The following ITGB3 variants were observed in gnomAD, a reference collection of about 807,000 sequenced individuals.
ITGB3 encodes integrin beta-3.
Under a neutral mutation model 85.8 loss-of-function variants are expected in ITGB3, and 48 were observed. That is an observed-to-expected ratio of 0.56 (90% CI 0.44 to 0.71). The LOEUF (loss-of-function observed/expected upper bound fraction) is 0.71. Ranked by LOEUF, ITGB3 falls within the 30% of genes least tolerant of loss-of-function variation. The probability of loss-of-function intolerance (pLI) is 0.00; values close to 1 mark genes in which losing one functional copy is unlikely to be tolerated. For missense variants in ITGB3, 861 were observed against 1,019.1 expected (o/e 0.84, Z 2.11); for synonymous variants, 363 against 395.6 (o/e 0.92, Z 0.98).
chr17:47,289,456 A>G (rs2065116836), intron 6 of ITGB3, among the ~76,000 whole-genome samples: 1 of 151,978 alleles, frequency 6.6e-6, no homozygotes, highest in African/African-American at 2.4e-5. Context: ...CCCAGTAGCT[A>G]GGACTATAGG....
rs2065101513 is a variant in ITGB3 at position 47,286,137 on chromosome 17, G to A, written c.615-123G>A. ...TGGAGTCTGAACTGTCTGGGTAACT[G>A]TGGTTGTATGGAACTGGCCTTGGCA... On this transcript the variant is annotated intron_variant, in intron 4 of 14. Coordinates refer to ENST00000559488, the MANE Select transcript of ITGB3 (RefSeq NM_000212.3). 3 of 1,087,178 alleles carry A rather than the reference G, an allele frequency of 2.8e-6. No individual in the cohort carries two copies. In the East Asian group the frequency reaches 7.1e-5, roughly 26 times the overall value. 67.3% of individuals were successfully genotyped at this position (1,087,178 alleles called of 1,614,324 possible).
At chr17:47,262,339 T>C (rs1248812276) in intron 1 of ITGB3, among the ~76,000 whole-genome samples, 1 of 152,184 alleles carries the variant, frequency 6.6e-6, no homozygotes, top group Non-Finnish European at 1.5e-5. Context: ...GACAGCTTGG[T>C]ACAGACCTGC....
rs966602162 is a variant in ITGB3 at position 47,290,132 on chromosome 17, G to A, written c.1036-53G>A. On this transcript the variant is annotated intron_variant, in intron 7 of 14. Coordinates refer to ENST00000559488, the MANE Select transcript of ITGB3 (RefSeq NM_000212.3). ...CAGTGGGATTTGGGGAGGGCTTTTGGAGACCACCAGCTTCCTTTGGTAAGC... is the reference window on the plus strand; with the variant it reads ...CAGTGGGATTTGGGGAGGGCTTTTGAAGACCACCAGCTTCCTTTGGTAAGC... 2.1e-6 allele frequency: 3 copies of A among 1,409,390 alleles called. No individual in the cohort carries two copies. The Admixed American group carries it at 5.0e-5, about 24-fold the overall frequency. The allele number at this position is 1,409,390 out of a possible 1,614,324, so 87.3% of individuals were successfully genotyped here. A position where few individuals can be genotyped will look rare whatever the true frequency, so the allele number is the denominator to read the frequency against.
At chr17:47,306,612 T>G (rs1018803388) in intron 13 of ITGB3, among the ~76,000 whole-genome samples, 3 of 152,214 alleles carry the variant, frequency 2.0e-5, no homozygotes, top group Non-Finnish European at 4.4e-5. Context: ...TATGAAATTT[T>G]AGGGGGAGAA....
chr17:47,261,550 C>T (rs1473204599), intron 1 of ITGB3, among the ~76,000 whole-genome samples: 1 of 141,542 alleles, frequency 7.1e-6, no homozygotes, highest in Non-Finnish European at 1.5e-5. Flanking sequence ...GATGGAGTCT[C>T]ACTCTGTCGC....
In ITGB3 at chr17:47,302,786, C is replaced by T. The variant is rs2143138190; in HGVS notation, c.2080C>T (p.Gln694Ter). 2 of 1,614,004 alleles carry T rather than the reference C, an allele frequency of 1.2e-6. No homozygotes were observed. Among genetic ancestry groups the T allele is most frequent in the Non-Finnish European group, 1.7e-6 (2 of 1,179,914 alleles). The stretch of plus-strand genomic sequence containing the variant: ...TGAGGATGACTGTGTCGTCAGATTC[C>T]AGTACTATGAAGATTCTAGTGGAAA... The part of the protein sequence containing the change: ...KNEDDCVVRF[Q>*]YYEDSSGKSI... Residue 694 changes from glutamine to a stop codon, truncating the protein, a stop_gained, in exon 13 of 15, where the codon CAG becomes TAG. Transcript: ENST00000559488. LOFTEE classifies it high-confidence loss of function.
At chr17:47,275,692 C>T (rs2065061215) in intron 2 of ITGB3, among the ~76,000 whole-genome samples, 1 of 152,240 alleles carries the variant, frequency 6.6e-6, no homozygotes, top group South Asian at 2.1e-4. Flanking sequence ...TGTTTATCAC[C>T]GGCCAGGAGG....
At position 47,274,472 on chromosome 17, in the gene ITGB3, G is replaced by A. The variant is rs1215456865; in HGVS notation, c.133G>A (p.Val45Met). 1 of 1,613,914 alleles carries A rather than the reference G, an allele frequency of 6.2e-7. No individual in the cohort carries two copies. ...GVSSCQQCLA[V>M]SPMCAWCSDE... ...GAGCTCCTGCCAGCAGTGCCTGGCT[G>A]TGAGCCCCATGTGTGCCTGGTGCTC... Residue 45 changes from valine to methionine, a missense_variant, in exon 2 of 15, where the codon GTG (valine) becomes ATG (methionine). Physicochemically the swap from Val to Met is conservative, Grantham distance 21 (BLOSUM62 1). Transcript: ENST00000559488.
chr17:47,283,644 A>C, intron 3 of ITGB3, 95 bp downstream of exon 3: 163 of 1,203,762 alleles, frequency 1.4e-4, no homozygotes, highest in Non-Finnish European at 1.7e-4. Flanking sequence ...GAAGTAGCTC[A>C]GAATGGAAAT....
intron 14 of ITGB3, among the ~76,000 whole-genome samples, chr17:47,308,596 AG>A (rs2065199376): frequency 6.6e-6 from 1 of 151,946 alleles, no homozygotes. Flanking sequence ...TTGGCCTCTC[AG>A]GTTCAAGTGA....
intron 10 of ITGB3, among the ~76,000 whole-genome samples, chr17:47,292,980 C>G (rs1198029962): frequency 1.3e-5 from 2 of 152,146 alleles, no homozygotes; most frequent in Non-Finnish European, 2.9e-5. Flanking sequence ...ACTATTGGTG[C>G]TACTGTTATT....
chr17:47,291,166 A>G (rs759320475), intron 9 of ITGB3, 78 bp downstream of exon 9: 1 of 1,560,398 alleles, frequency 6.4e-7, no homozygotes, highest in South Asian at 1.1e-5. Context: ...TGTAGTGACT[A>G]AAAATGGCCC....
intron 7 of ITGB3, 127 bp from the exon 8 acceptor site, chr17:47,290,058 G>T: frequency 1.2e-6 from 1 of 825,806 alleles, no homozygotes; most frequent in South Asian, 1.4e-5. Flanking sequence ...TCCTGGCAGT[G>T]ACAATTGAAA....
chr17:47,292,312 T>A lies in ITGB3; in HGVS notation c.1434T>A (p.Asn478Lys), dbSNP rs759939957. Residue 478 changes from asparagine to lysine, a missense_variant, in exon 10 of 15, where the codon AAT becomes AAA. Coordinates refer to ENST00000559488, the MANE Select transcript of ITGB3 (RefSeq NM_000212.3). ...ATAGCCATCGCTGCAACAATGGCAA[T>A]GGGACCTTTGAGTGTGGGGTATGCC... ...EPNSHRCNNGNGTFECGVCRC... is the reference protein window; with the variant it reads ...EPNSHRCNNGKGTFECGVCRC... The A allele has an allele frequency of 1.9e-6, 3 of 1,614,216 alleles. No individual in the cohort carries two copies. The highest frequency in any genetic ancestry group is 2.5e-6 in the Non-Finnish European group (3 of 1,180,034).
intron 10 of ITGB3, among the ~76,000 whole-genome samples, chr17:47,293,525 T>A (rs949644382): frequency 6.6e-6 from 1 of 152,192 alleles, no homozygotes; most frequent in Non-Finnish European, 1.5e-5. Flanking sequence ...GGGACTGGGT[T>A]ACGGGTGTAT....
chr17:47,292,133 A>C lies in ITGB3; in HGVS notation c.1261-6A>C, dbSNP rs369135631. 6.2e-7 allele frequency: 1 copy of C among 1,613,890 alleles called. No homozygotes were observed. Among genetic ancestry groups the C allele is most frequent in the African/African-American group, 1.3e-5 (1 of 74,974 alleles). On this transcript the variant is annotated splice_region_variant and splice_polypyrimidine_tract_variant and intron_variant, in intron 9 of 14. Coordinates refer to ENST00000559488, the MANE Select transcript of ITGB3 (RefSeq NM_000212.3). ...GTGTCTAAATACAATCTTTCTTTCC[A>C]TCCAGGTGAGCTTCAGCATTGAGGC...
intron 13 of ITGB3, among the ~76,000 whole-genome samples, chr17:47,303,287 C>T (rs373357642): frequency 6.6e-5 from 10 of 151,256 alleles, no homozygotes; most frequent in Non-Finnish European, 1.3e-4. Flanking sequence ...CAAAAAAAAA[C>T]GATAAGTTAG....
chr17:47,311,938 T>C lies in ITGB3; in HGVS notation c.*1734T>C, dbSNP rs1363470973. ...AATGATGGGATTTTAGCAGCCAGTC[T>C]TGAAGGTCTCTTTCAGTATCAACAT... On this transcript the variant is annotated 3_prime_UTR_variant, in exon 15 of 15. Coordinates refer to ENST00000559488, the MANE Select transcript of ITGB3 (RefSeq NM_000212.3). 1 of 152,476 alleles carries C rather than the reference T, an allele frequency of 6.6e-6. No individual in the cohort carries two copies. The highest frequency in any genetic ancestry group is 2.4e-5 in the African/African-American group (1 of 41,470). 9.4% of individuals were successfully genotyped at this position (152,476 alleles called of 1,614,324 possible).
chr17:47,254,228 C>G (rs1238665653), intron 1 of ITGB3, among the ~76,000 whole-genome samples: 1 of 152,010 alleles, frequency 6.6e-6, no homozygotes, highest in Non-Finnish European at 1.5e-5. Context: ...GTGCGGTGGG[C>G]GCATCTCTGA....
Sources: allele counts gnomAD v4.1 joint callset (sites outside exome capture counted in the v4.1 genomes callset), GRCh38; gene constraint gnomAD v4.1.1; transcripts MANE v1.5; gene names NCBI Gene and HGNC (gene_info 2026-07-23, HGNC 2026-07-21).